The following POLR3A variants were observed in gnomAD, a reference collection of about 807,000 sequenced individuals.
The protein encoded by POLR3A is RNA polymerase III subunit A, also known as DNA-directed RNA polymerase III subunit RPC1.
In POLR3A, 112 loss-of-function variants were observed where a neutral mutation model predicts 152.8. The ratio of observed to expected loss-of-function variants is 0.73; its 90% confidence interval spans 0.63 to 0.86. POLR3A has a LOEUF of 0.86. Ranked by LOEUF, POLR3A falls within the 40% of genes least tolerant of loss-of-function variation. The pLI is 0.00. For synonymous variants in POLR3A, 615 were observed against 652.1 expected (o/e 0.94, Z 0.87); for missense variants, 1,385 against 1,743.1 (o/e 0.79, Z 3.66).
Position 77,975,562 on chromosome 10 carries a change from A to ACAGACTC in POLR3A, c.*1909_*1915dup, listed in dbSNP as rs1270300051. 6.6e-6 allele frequency: 1 copy of ACAGACTC among 152,396 alleles called. No homozygotes were observed. Among genetic ancestry groups the ACAGACTC allele is most frequent in the South Asian group, 2.1e-4 (1 of 4,822 alleles). 9.4% of individuals were successfully genotyped at this position (152,396 alleles called of 1,614,324 possible). ...CCCATCACAATCACACACGTCTCACACAGACTCCAGACCCTGCAGCGCCCA... is the reference window on the plus strand; with the variant it reads ...CCCATCACAATCACACACGTCTCACACAGACTCCAGACTCCAGACCCTGCAGCGCCCA... On this transcript the variant is annotated 3_prime_UTR_variant, in exon 31 of 31. Coordinates refer to ENST00000372371, the MANE Select transcript of POLR3A (RefSeq NM_007055.4).
chr10:78,009,481 C>A, intron 14 of POLR3A, 56 bp downstream of exon 14: 1 of 1,611,804 alleles, frequency 6.2e-7, no homozygotes, highest in Non-Finnish European at 8.5e-7. Flanking sequence ...TGATGACCAG[C>A]CACTTGCTTT....
intron 11 of POLR3A, chr10:78,013,417 A>G (rs1216443011): frequency 1.8e-6 from 1 of 544,462 alleles, no homozygotes; most frequent in Non-Finnish European, 3.3e-6. Flanking sequence ...CCCTCAACGC[A>G]TCTGTTACAG....
chr10:78,021,860 CCT>C lies in POLR3A; in HGVS notation c.1046_1047del (p.Gln349ArgfsTer4), dbSNP rs754820097. 10 of 1,613,462 alleles carry C rather than the reference CCT, an allele frequency of 6.2e-6. No individual in the cohort carries two copies. The highest frequency in any genetic ancestry group is 2.2e-5 in the East Asian group (1 of 44,880). ...TCTGCACATCTTGTGGGAAACCTAC[CCT>C]GTTTTCCCTTCAGGCGTTGGACGAA... The part of the protein sequence containing the change: ...RGFVQRLKGK[Q>X]GRFRGNLSGK... On this transcript the variant is annotated frameshift_variant and splice_region_variant, in exon 7 of 31. Coordinates refer to ENST00000372371, the MANE Select transcript of POLR3A (RefSeq NM_007055.4). LOFTEE classifies it high-confidence loss of function.
At chr10:78,008,176 A>T (rs548099434) in intron 14 of POLR3A, among the ~76,000 whole-genome samples, 4 of 152,198 alleles carry the variant, frequency 2.6e-5, no homozygotes, top group African/African-American at 9.6e-5. Context: ...ATGTTATGGG[A>T]TATTTTGAGC....
chr10:78,017,075 T>C (rs961494429), intron 10 of POLR3A, among the ~76,000 whole-genome samples: 16 of 151,980 alleles, frequency 1.1e-4, no homozygotes, highest in African/African-American at 3.6e-4. Flanking sequence ...AAAGGAAGCT[T>C]GAAATTAAAA....
intron 5 of POLR3A, among the ~76,000 whole-genome samples, chr10:78,023,687 AG>A (rs1168452645): frequency 5.3e-5 from 8 of 151,850 alleles, no homozygotes; most frequent in Non-Finnish European, 1.5e-5. Context: ...CTGACATGCA[AG>A]GATCACTTGA....
chr10:78,024,855 A>C, intron 4 of POLR3A, 116 bp downstream of exon 4: 2 of 1,416,748 alleles, frequency 1.4e-6, no homozygotes, highest in South Asian at 1.2e-5. Flanking sequence ...TTGGGCTCTT[A>C]AGCCTAATTT....
At chr10:77,986,184 A>G (rs1216336244) in intron 21 of POLR3A, 25 bp from the exon 22 acceptor site, 1 of 1,102,626 alleles carries the variant, frequency 9.1e-7, no homozygotes, top group Non-Finnish European at 1.4e-6. Flanking sequence ...AGCAAACATC[A>G]TTTGTAAGTT....
chr10:77,982,132 G>T, intron 28 of POLR3A, 22 bp downstream of exon 28: 1 of 1,588,202 alleles, frequency 6.3e-7, no homozygotes, highest in South Asian at 1.1e-5. Flanking sequence ...ACCCTAAGGC[G>T]ACCCCGTGGG....
chr10:77,984,360 G>A (rs1343764701), intron 24 of POLR3A, 62 bp from the exon 25 acceptor site: 2 of 965,270 alleles, frequency 2.1e-6, no homozygotes, highest in Non-Finnish European at 3.4e-6. Flanking sequence ...GAGGACTACT[G>A]CTTTGTTAAA....
In POLR3A at chr10:78,021,999, G is replaced by A. The variant is rs756470929; in HGVS notation, c.909C>T (p.Thr303=). 2 of 1,614,102 alleles carry A rather than the reference G, an allele frequency of 1.2e-6. No individual in the cohort carries two copies. Among genetic ancestry groups the A allele is most frequent in the Admixed American group, 1.7e-5 (1 of 60,010 alleles). The change falls in exon 7 of 31, where the codon ACC becomes ACT. Residue 303 remains threonine, a synonymous_variant. Coordinates refer to ENST00000372371, the MANE Select transcript of POLR3A (RefSeq NM_007055.4). ...AATCCCAGTCCTCCATGATCATCTG[G>A]GTCTTGGCTCCTGAGATCCGATGCT... The part of the protein sequence containing the change: ...IKKHRISGAK[T]QMIMEDWDFL...
In POLR3A at chr10:78,024,715, A is replaced by C; in HGVS notation, c.491-12T>G. The stretch of plus-strand genomic sequence containing the variant: ...CTTCTTTACGGTACCTATAAGGGTT[A>C]GTTTATTTACCAAGAAATAAAAAAT... On this transcript the variant is annotated splice_polypyrimidine_tract_variant and intron_variant, in intron 4 of 30. Transcript: ENST00000372371. 6.2e-7 allele frequency: 1 copy of C among 1,608,600 alleles called. No homozygotes were observed. The highest frequency in any genetic ancestry group is 8.5e-7 in the Non-Finnish European group (1 of 1,175,164).
chr10:77,981,868 CA>C lies in POLR3A; in HGVS notation c.3759+285del, dbSNP rs60259976. ...TGAAACCCCATTTCTACTAAAAATA[CA>C]AAAAAAAAAAAAAAAAAAAATTAGC... On this transcript the variant is annotated intron_variant, in intron 28 of 30. Transcript: ENST00000372371. Among the ~76,000 whole-genome samples, 218 of 63,800 alleles carry C rather than the reference CA, an allele frequency of 3.4e-3. 1 individual carries two copies. The highest frequency in any genetic ancestry group is 8.4e-3 in the African/African-American group (129 of 15,396). 41.9% of individuals were successfully genotyped at this position (63,800 alleles called of 152,430 possible). A position where few individuals can be genotyped will look rare whatever the true frequency, so the allele number is the denominator to read the frequency against.
chr10:78,026,348 C>T, intron 1 of POLR3A, 119 bp from the exon 2 acceptor site: 4 of 964,326 alleles, frequency 4.1e-6, no homozygotes, highest in East Asian at 2.6e-5. Flanking sequence ...GCTTTTCCTA[C>T]CAGTATTAAA....
At chr10:78,013,401 A>C in intron 11 of POLR3A, 1 of 507,314 alleles carries the variant, frequency 2.0e-6, no homozygotes, top group Non-Finnish European at 3.6e-6. Flanking sequence ...TATAGGCCAG[A>C]AAATCCCCTC....
chr10:77,978,508 C>T (rs1009719288), intron 30 of POLR3A, among the ~76,000 whole-genome samples: 8 of 152,080 alleles, frequency 5.3e-5, no homozygotes, highest in Admixed American at 2.0e-4. Flanking sequence ...GGCAAAGGCC[C>T]GGTTTCCAGG....
rs776092488 is a variant in POLR3A at position 78,004,749 on chromosome 10, C to T, written c.2214G>A (p.Gln738=). 6.2e-7 allele frequency: 1 copy of T among 1,613,812 alleles called. No homozygotes were observed. The highest frequency in any genetic ancestry group is 8.5e-7 in the Non-Finnish European group (1 of 1,179,864). Residue 738 remains glutamine, a synonymous_variant, in exon 16 of 31, where the codon CAG becomes CAA. Coordinates refer to ENST00000372371, the MANE Select transcript of POLR3A (RefSeq NM_007055.4). ...TCTCCTCAGCAGTGCAGCCAGGCTG[C>T]TGCTGCAGCTTGCCCGTGTTCAGGG... ...IEALNTGKLQ[Q]QPGCTAEETL...
chr10:77,982,828 G>A lies in POLR3A; in HGVS notation c.3430-11C>T, dbSNP rs765631376. 2.5e-6 allele frequency: 4 copies of A among 1,611,900 alleles called. No homozygotes were observed. The highest frequency in any genetic ancestry group is 2.2e-5 in the East Asian group (1 of 44,874). ...TGTCTCAGCGTTCACCTGCAACATG[G>A]CCAGGTGTAGGTGTTACTGATTCCA... is the stretch of plus-strand genomic sequence containing the variant. On this transcript the variant is annotated splice_polypyrimidine_tract_variant and intron_variant, in intron 26 of 30. Coordinates refer to ENST00000372371, the MANE Select transcript of POLR3A (RefSeq NM_007055.4).
intron 10 of POLR3A, 38 bp downstream of exon 10, chr10:78,017,537 T>C (rs1049804475): frequency 4.3e-6 from 7 of 1,610,264 alleles, no homozygotes; most frequent in Non-Finnish European, 5.9e-6. Context: ...ATGGCAAATT[T>C]CTACGTGATG....
Sources: allele counts gnomAD v4.1 joint callset (sites outside exome capture counted in the v4.1 genomes callset), GRCh38; gene constraint gnomAD v4.1.1; transcripts MANE v1.5; gene names NCBI Gene and HGNC (gene_info 2026-07-23, HGNC 2026-07-21).